Variants in GAS6 observed in about 807,000 individuals in gnomAD.
The protein encoded by GAS6 is growth arrest-specific protein 6.
Under a neutral mutation model 75.8 loss-of-function variants are expected in GAS6, and 41 were observed. The ratio of observed to expected loss-of-function variants is 0.54; its 90% CI spans 0.42 to 0.70. The LOEUF (loss-of-function observed/expected upper bound fraction) is 0.70. Ranked by LOEUF, GAS6 falls within the 30% of genes least tolerant of loss-of-function variation. GAS6 has a pLI of 0.00. For missense variants in GAS6, 854 were observed against 940.2 expected (o/e 0.91, Z 1.20); for synonymous variants, 432 against 412.6 (o/e 1.05, Z -0.57).
chr13:113,826,416 CCGGCGCTGGCCTCG>C (rs1566354454), intron 12 of GAS6, among the ~76,000 whole-genome samples: 12 of 140,770 alleles, frequency 8.5e-5, no homozygotes, highest in African/African-American at 3.2e-4. Context: ...CCCCGGCCTC[CCGGCGCTGGCCTCG>C]CAGGCACCTT....
chr13:113,822,071 A>G lies in GAS6; in HGVS notation c.1769T>C (p.Val590Ala), dbSNP rs1010087610. 3.1e-6 allele frequency: 5 copies of G among 1,591,906 alleles called. No homozygotes were observed. In the Admixed American group the frequency reaches 8.9e-5, roughly 28 times the overall value. ...CTCGCTCTGGCCCCTGGTGCCGTCC[A>G]CCTCCAGGGTGGCCTCACCGTCCCT... ...SLRDGEATLE[V>A]DGTRGQSEVS... Residue 590 changes from valine to alanine, a missense_variant, in exon 14 of 15, where the codon GTG becomes GCG. By Grantham distance (64) the Val-to-Ala change is moderately conservative. Transcript: ENST00000327773.
At chr13:113,855,575 C>G (rs2051907796) in intron 2 of GAS6, among the ~76,000 whole-genome samples, 1 of 152,200 alleles carries the variant, frequency 6.6e-6, no homozygotes, top group African/African-American at 2.4e-5. Context: ...GAGCATGACT[C>G]AACCCAAAGA....
Position 113,823,909 on chromosome 13 carries a change from C to T in GAS6, c.1478-359G>A, listed in dbSNP as rs889288862. ...CTCTTGTTTCAGGAGCGCCTGACAGCTCCTTCCTCAGAGCGTGCGTGGCCT... is the reference window on the plus strand; with the variant it reads ...CTCTTGTTTCAGGAGCGCCTGACAGTTCCTTCCTCAGAGCGTGCGTGGCCT... On this transcript the variant is annotated intron_variant, in intron 12 of 14. Transcript: ENST00000327773. Among the ~76,000 whole-genome samples, 3 of 152,278 alleles carry T rather than the reference C, an allele frequency of 2.0e-5. No individual in the cohort carries two copies. In the East Asian group the frequency reaches 5.8e-4, roughly 29 times the overall value.
intron 8 of GAS6, 132 bp from the exon 9 acceptor site, chr13:113,832,884 G>C (rs1273642625): frequency 6.4e-7 from 1 of 1,553,730 alleles, no homozygotes; most frequent in Non-Finnish European, 8.6e-7. Context: ...GCCTCTAGCT[G>C]CTGAGACCCC....
chr13:113,859,624 A>C (rs1181753073), intron 2 of GAS6, among the ~76,000 whole-genome samples: 1 of 151,862 alleles, frequency 6.6e-6, no homozygotes, highest in Non-Finnish European at 1.5e-5. Flanking sequence ...GTGTGTGTGC[A>C]TGTATATCTG....
At position 113,822,206 on chromosome 13, in the gene GAS6, G is replaced by C; in HGVS notation, c.1654-20C>G. 6.7e-7 allele frequency: 1 copy of C among 1,503,124 alleles called. No individual in the cohort carries two copies. Among genetic ancestry groups the C allele is most frequent in the African/African-American group, 1.4e-5 (1 of 73,070 alleles). 93.1% of individuals were successfully genotyped at this position (1,503,124 alleles called of 1,614,324 possible). ...CACCAGCTGCAGGAGACCGAGGTGT[G>C]GTCAGGGCCTGCCGGCCACCCCTAC... On this transcript the variant is annotated intron_variant, in intron 13 of 14. Coordinates refer to ENST00000327773, the MANE Select transcript of GAS6 (RefSeq NM_000820.4).
chr13:113,846,940 C>A, intron 3 of GAS6: 1 of 465,692 alleles, frequency 2.1e-6, no homozygotes, highest in South Asian at 1.6e-5. Flanking sequence ...TCCAGTGGAC[C>A]CCCATTGGGA....
At chr13:113,851,155 G>C (rs1353245770) in intron 2 of GAS6, among the ~76,000 whole-genome samples, 1 of 151,564 alleles carries the variant, frequency 6.6e-6, no homozygotes, top group Non-Finnish European at 1.5e-5. Flanking sequence ...ATGGATAAAT[G>C]AATGAGGATG....
At chr13:113,834,162 G>A (rs149584392) in intron 8 of GAS6, among the ~76,000 whole-genome samples, 2 of 149,190 alleles carry the variant, frequency 1.3e-5, no homozygotes, top group Non-Finnish European at 3.0e-5. Context: ...ACAGGCCCCG[G>A]TGTGACAGGT....
At chr13:113,832,210 C>T in intron 10 of GAS6, 89 bp downstream of exon 10, 1 of 1,409,856 alleles carries the variant, frequency 7.1e-7, no homozygotes, top group Non-Finnish European at 9.6e-7. Context: ...CAGAGCTCAT[C>T]TCCTAACGGT....
intron 11 of GAS6, among the ~76,000 whole-genome samples, chr13:113,827,727 A>C (rs1036951890): frequency 6.6e-6 from 1 of 152,192 alleles, no homozygotes; most frequent in African/African-American, 2.4e-5. Flanking sequence ...ACGCGAAGAC[A>C]TGCGTGCCTT....
intron 11 of GAS6, 131 bp from the exon 12 acceptor site, chr13:113,827,295 G>A (rs962039512): frequency 5.5e-5 from 45 of 816,846 alleles, no homozygotes; most frequent in East Asian, 3.2e-4. Flanking sequence ...CAGTCCCATC[G>A]GTGGTGGCCA....
At chr13:113,853,092 C>T (rs1221830005) in intron 2 of GAS6, among the ~76,000 whole-genome samples, 1 of 152,176 alleles carries the variant, frequency 6.6e-6, no homozygotes, top group East Asian at 1.9e-4. Flanking sequence ...CTGGGAGGGC[C>T]CATTCACTTT....
chr13:113,862,896 G>A (rs1005578600), intron 2 of GAS6, among the ~76,000 whole-genome samples: 1 of 152,184 alleles, frequency 6.6e-6, no homozygotes, highest in Admixed American at 6.5e-5. Context: ...CCGCTCCCGA[G>A]CCCGCAGGAT....
chr13:113,836,890 T>C (rs1002754903), intron 6 of GAS6, among the ~76,000 whole-genome samples: 1 of 6,238 alleles, frequency 1.6e-4, no homozygotes, highest in Admixed American at 1.8e-3. Context: ...GGAGGGGGAG[T>C]GGGGAAAGGA....
chr13:113,860,033 G>A (rs1180910572), intron 2 of GAS6, among the ~76,000 whole-genome samples: 1 of 152,222 alleles, frequency 6.6e-6, no homozygotes, highest in Non-Finnish European at 1.5e-5. Context: ...TGCTTGGAGG[G>A]CACATGCAGT....
chr13:113,852,697 G>A (rs977942442), intron 2 of GAS6, among the ~76,000 whole-genome samples: 2 of 152,110 alleles, frequency 1.3e-5, no homozygotes, highest in African/African-American at 4.8e-5. Context: ...CCAGACCCAG[G>A]TCTCCCCCGC....
At chr13:113,846,449 C>G in intron 4 of GAS6, 78 bp downstream of exon 4, 1 of 1,232,054 alleles carries the variant, frequency 8.1e-7, no homozygotes, top group Non-Finnish European at 1.2e-6. Context: ...TATTCAGGGC[C>G]CTCCACAAAC....
chr13:113,821,303 GTC>G, intron 14 of GAS6: 1 of 474,564 alleles, frequency 2.1e-6, no homozygotes, highest in South Asian at 2.9e-5. Flanking sequence ...TGCCCAGTGA[GTC>G]ATTCAGGCTG....
Sources: gnomAD v4.1 joint callset for allele counts (sites outside exome capture counted in the v4.1 genomes callset) on GRCh38, gnomAD v4.1.1 for gene constraint, MANE v1.5 for transcripts, NCBI Gene and HGNC (gene_info 2026-07-23, HGNC 2026-07-21) for gene names.